OR4K1: variants seen among roughly 807,000 people sequenced by gnomAD.
The protein encoded by OR4K1 is olfactory receptor 4K1.
OR4K1 carries 16 observed loss-of-function variants against 14.4 expected under a neutral mutation model. The observed-to-expected ratio is 1.11, with a 90% CI of 0.75 to 1.68. The LOEUF (loss-of-function observed/expected upper bound fraction) is 1.68. Among genes scored for constraint, OR4K1 ranks in the 40% most tolerant of loss-of-function variants. The pLI, the probability that OR4K1 is intolerant of heterozygous loss-of-function variation, is 0.00. For synonymous variants in OR4K1, 181 were observed against 133.1 expected (o/e 1.36, Z -2.48); for missense variants, 548 against 376.9 (o/e 1.45, Z -3.76).
Position 19,936,352 on chromosome 14 carries a change from C to A in OR4K1, c.686C>A (p.Ser229Tyr), listed in dbSNP as rs777504296. The change falls in exon 2 of 2, where the codon TCC becomes TAC. Residue 229 changes from serine to tyrosine, a missense_variant. Coordinates refer to ENST00000641172, the MANE Select transcript of OR4K1 (RefSeq NM_001004063.3). ...ATTTTGATCGGTGTCCGATGCAGGT[C>A]CTCCAGTGGGTCATCTAAGGCTCTT... is the stretch of plus-strand genomic sequence containing the variant. ...TIILIGVRCR[S>Y]SSGSSKALST... 6.2e-7 allele frequency: 1 copy of A among 1,614,254 alleles called. No homozygotes were observed. The highest frequency in any genetic ancestry group is 8.5e-7 in the Non-Finnish European group (1 of 1,180,042).
upstream of OR4K1, among the ~76,000 whole-genome samples, chr14:19,927,591 G>A (rs1566500097): frequency 6.6e-6 from 1 of 152,306 alleles, no homozygotes; most frequent in African/African-American, 2.4e-5. Flanking sequence ...CTTTTATCAA[G>A]GTTAGTCTCA....
At chr14:19,935,598 G>A (rs945531095) in intron 1 of OR4K1, 50 bp from the exon 2 acceptor site, 2 of 1,265,446 alleles carry the variant, frequency 1.6e-6, no homozygotes, top group Admixed American at 4.6e-5. Context: ...ATAAACTAGA[G>A]GTATTGTAAT....
Position 19,936,208 on chromosome 14 carries a change from T to C in OR4K1, c.542T>C (p.Leu181Pro). Reference protein sequence around the residue: ...PNEVDSFFCDLPLVIELACMD... With the variant: ...PNEVDSFFCDPPLVIELACMD... The stretch of plus-strand genomic sequence containing the variant: ...GAGGTGGATAGCTTCTTTTGTGACC[T>C]TCCCTTGGTGATAGAGCTGGCTTGC... The change falls in exon 2 of 2, where the codon CTT becomes CCT. Residue 181 changes from leucine (L) to proline (P), a missense_variant. Physicochemically the swap from Leu to Pro is moderately conservative, Grantham distance 98. Coordinates refer to ENST00000641172, the MANE Select transcript of OR4K1 (RefSeq NM_001004063.3). The C allele has an allele frequency of 6.2e-7, 1 of 1,614,262 alleles. No homozygotes were observed. Among genetic ancestry groups the C allele is most frequent in the Non-Finnish European group, 8.5e-7 (1 of 1,180,038 alleles).
In OR4K1 at chr14:19,935,841, A is replaced by G. The variant is rs941815469; in HGVS notation, c.175A>G (p.Met59Val). 1 of 1,614,216 alleles carries G rather than the reference A, an allele frequency of 6.2e-7. No homozygotes were observed. Among genetic ancestry groups the G allele is most frequent in the East Asian group, 2.2e-5 (1 of 44,892 alleles). Residue 59 changes from methionine to valine, a missense_variant, in exon 2 of 2, where the codon ATG becomes GTG. Met to Val is a conservative substitution (Grantham distance 21). Transcript: ENST00000641172. ...ISFDSHLNSP[M>V]YFLLSNLSFI... is the part of the protein sequence containing the mutation. ...TTTTGACTCCCATTTGAACTCTCCT[A>G]TGTACTTCTTGCTCAGTAATCTTTC...
chr14:19,920,663 T>TTCTCAAAAACTCCAGCTTTTCTA, the OR4K1 span: 1 of 1,613,940 alleles, frequency 6.2e-7, no homozygotes, highest in Non-Finnish European at 8.5e-7. Flanking sequence ...GACTCTGTAG[T>TTCTCAAAAACTCCAGCTTTTCTA]TCTCAAAAAC....
chr14:19,931,669 T>A (rs76963657), intron 1 of OR4K1, among the ~76,000 whole-genome samples: 9,650 of 151,390 alleles, frequency 0.064, 544 homozygotes, highest in East Asian at 0.47. Flanking sequence ...CATTGTATAG[T>A]AGATATTAAT....
chr14:19,921,614 T>C, the OR4K1 span: 2 of 1,552,268 alleles, frequency 1.3e-6, no homozygotes, highest in South Asian at 1.2e-5. Context: ...GTCAATACAC[T>C]GTTTAATATT....
At chr14:19,921,658 G>A in the OR4K1 span, 2 of 1,375,024 alleles carry the variant, frequency 1.5e-6, no homozygotes, top group Non-Finnish European at 2.0e-6. Context: ...TCAATTGTGG[G>A]GAAAGTAGTG....
Position 19,935,923 on chromosome 14 carries a change from T to A in OR4K1, c.257T>A (p.Phe86Tyr), listed in dbSNP as rs138714506. Reference protein sequence around the residue: ...FATPKMLVDFFIERKTISFEG... With the variant: ...FATPKMLVDFYIERKTISFEG... ...ACCCCCAAGATGCTTGTAGACTTTT[T>A]TATTGAGCGCAAGACTATCTCCTTT... The change falls in exon 2 of 2, where the codon TTT (phenylalanine) becomes TAT (tyrosine). Residue 86 changes from phenylalanine to tyrosine, a missense_variant. Coordinates refer to ENST00000641172, the MANE Select transcript of OR4K1 (RefSeq NM_001004063.3). The A allele has an allele frequency of 1.1e-5, 18 of 1,614,236 alleles. No individual in the cohort carries two copies. In the East Asian group the frequency reaches 4.0e-4, roughly 36 times the overall value.
chr14:19,932,048 AC>A (rs1882195902), intron 1 of OR4K1, among the ~76,000 whole-genome samples: 1 of 152,190 alleles, frequency 6.6e-6, no homozygotes, highest in Non-Finnish European at 1.5e-5. Context: ...ATAATGTTGA[AC>A]CTGATCTGTT....
the OR4K1 span, chr14:19,920,482 CA>C: frequency 7.8e-7 from 1 of 1,277,526 alleles, no homozygotes; most frequent in South Asian, 1.5e-5. Flanking sequence ...TTGCATTCAG[CA>C]AATGCACATT....
upstream of OR4K1, among the ~76,000 whole-genome samples, chr14:19,928,342 A>G (rs1882105643): frequency 6.6e-6 from 1 of 152,112 alleles, no homozygotes; most frequent in Admixed American, 6.6e-5. Flanking sequence ...TCTTGCTTCT[A>G]TGGCTAGAAC....
At chr14:19,923,417 C>T in the OR4K1 span, among the ~76,000 whole-genome samples, 1 of 152,168 alleles carries the variant, frequency 6.6e-6, no homozygotes, top group Non-Finnish European at 1.5e-5. Flanking sequence ...ATTTTACAAC[C>T]AGCTCGTCAG....
chr14:19,921,270 C>A, the OR4K1 span: 1 of 1,614,140 alleles, frequency 6.2e-7, no homozygotes, highest in Non-Finnish European at 8.5e-7. Context: ...CATCATTATT[C>A]TTGTTACAGT....
Position 19,936,248 on chromosome 14 carries a change from A to G in OR4K1, c.582A>G (p.Glu194=). The G allele has an allele frequency of 6.2e-7, 1 of 1,614,202 alleles. No individual in the cohort carries two copies. The part of the protein sequence containing the change: ...VIELACMDTY[E]MEIMTLTNSG... ...AGCTGGCTTGCATGGATACATATGA[A>G]ATGGAAATTATGACCCTAACGAACA... The change falls in exon 2 of 2, where the codon GAA becomes GAG. Residue 194 remains glutamate (E), a synonymous_variant. Transcript: ENST00000641172.
At position 19,936,116 on chromosome 14, in the gene OR4K1, G is replaced by GTAAATTTT. The variant is rs745471131; in HGVS notation, c.450_451insTAAATTTT (p.Val151Ter). The GTAAATTTT allele has an allele frequency of 1.4e-5, 22 of 1,614,060 alleles. 1 individual carries two copies. The South Asian group carries it at 2.1e-4, about 15-fold the overall frequency. ...TAATTTTTGTGTCTATTTCCTGGGCGGTGGGCGTTCTTCATTCTGTGAGCC... is the reference window on the plus strand; with the variant it reads ...TAATTTTTGTGTCTATTTCCTGGGCGTAAATTTTGTGGGCGTTCTTCATTCTGTGAGCC... On this transcript the variant is annotated stop_gained and frameshift_variant, in exon 2 of 2. Transcript: ENST00000641172. LOFTEE classifies it high-confidence loss of function.
chr14:19,926,185 A>C (rs11621796), upstream of OR4K1, among the ~76,000 whole-genome samples: 46,413 of 148,438 alleles, frequency 0.31, 4,968 homozygotes, highest in East Asian at 0.59. Context: ...TGAAGGATAT[A>C]ATAAAACTAC....
rs544803161 is a variant in OR4K1 at position 19,935,665 on chromosome 14, A to G, written c.-2A>G. 1.3e-5 allele frequency: 20 copies of G among 1,587,360 alleles called. No homozygotes were observed. In the South Asian group the frequency reaches 1.9e-4, roughly 15 times the overall value. On this transcript the variant is annotated 5_prime_UTR_variant, in exon 2 of 2. It adds an upstream start codon to the 5' untranslated region. Coordinates refer to ENST00000641172, the MANE Select transcript of OR4K1 (RefSeq NM_001004063.3). ...TTTTTTAGGTAACTGAATATTGGAT[A>G]CATGGCTCACACAAATGAATCGATG... is the stretch of plus-strand genomic sequence containing the variant.
the OR4K1 span, among the ~76,000 whole-genome samples, chr14:19,925,512 A>G: frequency 7.2e-5 from 11 of 152,248 alleles, no homozygotes. Context: ...GTAGATGAAT[A>G]TATTCCTAAA....
Sources: allele counts gnomAD v4.1 joint callset (sites outside exome capture counted in the v4.1 genomes callset), GRCh38; gene constraint gnomAD v4.1.1; transcripts MANE v1.5; gene names NCBI Gene and HGNC (gene_info 2026-07-23, HGNC 2026-07-21).